Variants in TAF3 observed in about 807,000 individuals in gnomAD.
The protein encoded by TAF3 is TATA-box binding protein associated factor 3.
Under a neutral mutation model 80.6 loss-of-function variants are expected in TAF3, and 7 were observed. The observed-to-expected ratio is 0.09, with a 90% CI of 0.05 to 0.16. The LOEUF (loss-of-function observed/expected upper bound fraction) is 0.16, where lower values mean the gene tolerates loss of function less well. TAF3 is among the 10% of genes least tolerant of loss of function. The probability of loss-of-function intolerance (pLI) is 1.00; values close to 1 mark genes in which losing one functional copy is unlikely to be tolerated. For synonymous variants in TAF3, 444 were observed against 446.1 expected (o/e 1.00, Z 0.06); for missense variants, 921 against 1,140.2 (o/e 0.81, Z 2.77).
At chr10:7,827,362 G>A (rs542781690) in intron 2 of TAF3, among the ~76,000 whole-genome samples, 1 of 152,258 alleles carries the variant, frequency 6.6e-6, no homozygotes, top group East Asian at 1.9e-4. Flanking sequence ...ATTGGACAGT[G>A]TTTAACATAT....
At chr10:7,913,253 G>T (rs1370640770) in intron 2 of TAF3, among the ~76,000 whole-genome samples, 1 of 152,150 alleles carries the variant, frequency 6.6e-6, no homozygotes, top group Non-Finnish European at 1.5e-5. Flanking sequence ...GGTATGAAGT[G>T]TTGGGAGGAC....
chr10:7,953,859 A>T (rs1422005781), intron 2 of TAF3, among the ~76,000 whole-genome samples: 2 of 147,852 alleles, frequency 1.4e-5, no homozygotes, highest in Non-Finnish European at 1.5e-5. Flanking sequence ...AAATGAGTGG[A>T]TTAGTCCTAG....
At chr10:7,842,565 C>T (rs748597096) in intron 2 of TAF3, among the ~76,000 whole-genome samples, 4 of 151,914 alleles carry the variant, frequency 2.6e-5, no homozygotes, top group Non-Finnish European at 5.9e-5. Context: ...TTTTTAGATG[C>T]GGGCTTAAAG....
intron 2 of TAF3, among the ~76,000 whole-genome samples, chr10:7,946,988 C>T (rs981682530): frequency 1.3e-5 from 2 of 152,186 alleles, no homozygotes; most frequent in African/African-American, 4.8e-5. Flanking sequence ...TCTGGAACTC[C>T]TGGCCTTAAG....
intron 3 of TAF3, 126 bp from the exon 4 acceptor site, chr10:7,977,115 A>T: frequency 1.2e-6 from 1 of 804,828 alleles, no homozygotes; most frequent in Non-Finnish European, 2.0e-6. Context: ...CTTTCTGTCT[A>T]AATTTTAGCC....
Position 7,963,917 on chromosome 10 carries a change from C to CAGA in TAF3, c.420_422dup. 2.0e-6 allele frequency: 3 copies of CAGA among 1,534,224 alleles called. No individual in the cohort carries two copies. Among genetic ancestry groups the CAGA allele is most frequent in the Non-Finnish European group, 2.6e-6 (3 of 1,144,514 alleles). ...TTTTTCTTCCTTTTTCTTCCTTTAC[C>CAGA]AGAAGAAGAAGAAGAGCAGGTGCCC... On this transcript the variant is annotated splice_polypyrimidine_tract_variant and splice_region_variant and intron_variant, in intron 2 of 6. Transcript: ENST00000344293.
chr10:7,946,794 T>C (rs1380479186), intron 2 of TAF3, among the ~76,000 whole-genome samples: 1 of 152,222 alleles, frequency 6.6e-6, no homozygotes, highest in Non-Finnish European at 1.5e-5. Context: ...TTTCCATTCC[T>C]TTATCCTGTT....
chr10:7,988,887 A>G (rs961996349), intron 4 of TAF3, among the ~76,000 whole-genome samples: 4 of 151,708 alleles, frequency 2.6e-5, no homozygotes, highest in Non-Finnish European at 4.4e-5. Flanking sequence ...AAAATGGTAC[A>G]TTGTTTGTAC....
At chr10:7,989,830 G>A (rs1309082669) in intron 4 of TAF3, among the ~76,000 whole-genome samples, 4 of 152,090 alleles carry the variant, frequency 2.6e-5, no homozygotes, top group Non-Finnish European at 5.9e-5. Flanking sequence ...GACTGGTACT[G>A]GTCCATTGGC....
rs1836655569 is a variant in TAF3, at chr10:7,818,641, C to T, written c.-69C>T. 1.3e-6 allele frequency: 2 copies of T among 1,541,096 alleles called. No individual in the cohort carries two copies. Among genetic ancestry groups the T allele is most frequent in the Non-Finnish European group, 1.7e-6 (2 of 1,148,870 alleles). ...AGCCCTAGAGGATGAATCGGGGACCCTGCTAAGGTCTGGCGGCGGGGCTGG... is the reference window on the plus strand; with the variant it reads ...AGCCCTAGAGGATGAATCGGGGACCTTGCTAAGGTCTGGCGGCGGGGCTGG... On this transcript the variant is annotated 5_prime_UTR_variant, in exon 1 of 7. Transcript: ENST00000344293.
At chr10:7,838,908 G>GTTTTTTTTTTTTTTTTTTTTTT (rs71505463) in intron 2 of TAF3, among the ~76,000 whole-genome samples, 4 of 101,862 alleles carry the variant, frequency 3.9e-5, no homozygotes, top group Non-Finnish European at 5.8e-5. Flanking sequence ...GGCATTGCTT[G>GTTTTTTTTTTTTTTTTTTTTTT]TTTTTTTTTT....
intron 2 of TAF3, among the ~76,000 whole-genome samples, chr10:7,829,029 CAAAAAAAAAAAAAAAA>C (rs59969868): frequency 2.5e-4 from 17 of 66,816 alleles, no homozygotes; most frequent in African/African-American, 9.7e-4. Context: ...GACTCCGTCT[CAAAAAAAAAAAAAAAA>C]AAAAAAAAAA....
chr10:7,963,564 T>A (rs1380362999), intron 2 of TAF3, among the ~76,000 whole-genome samples: 2 of 152,126 alleles, frequency 1.3e-5, no homozygotes, highest in African/African-American at 4.8e-5. Flanking sequence ...AGAAATCATG[T>A]TTGAACGCCG....
chr10:7,872,924 G>T (rs948700083), intron 2 of TAF3, among the ~76,000 whole-genome samples: 1 of 152,118 alleles, frequency 6.6e-6, no homozygotes, highest in African/African-American at 2.4e-5. Flanking sequence ...AGTTTAGAGA[G>T]AATCCAAGCC....
At chr10:7,818,901 G>T in intron 1 of TAF3, 26 bp downstream of exon 1, 2 of 1,378,460 alleles carry the variant, frequency 1.5e-6, no homozygotes, top group South Asian at 3.2e-5. Context: ...GGTGCGGGAG[G>T]GCTGCCCCGG....
In TAF3 at chr10:7,925,946, G is replaced by A. The variant is rs1404828394; in HGVS notation, c.410-37974G>A. Among the ~76,000 whole-genome samples, 6 of 152,160 alleles carry A rather than the reference G, an allele frequency of 3.9e-5. No individual in the cohort carries two copies. In the South Asian group the frequency reaches 6.2e-4, roughly 16 times the overall value. Reference sequence around the variant, plus strand: ...AAGACTGGTAAGGCCAGGTGCAGTGGCTCATGCCTGTAATCCTAGCACTTT... The same window carrying A: ...AAGACTGGTAAGGCCAGGTGCAGTGACTCATGCCTGTAATCCTAGCACTTT... On this transcript the variant is annotated intron_variant, in intron 2 of 6. Transcript: ENST00000344293.
intron 2 of TAF3, among the ~76,000 whole-genome samples, chr10:7,933,816 C>CAAA (rs1837891526): frequency 6.6e-6 from 1 of 152,154 alleles, no homozygotes; most frequent in Non-Finnish European, 1.5e-5. Context: ...CATCTTAAGC[C>CAAA]TGTTCTTTGG....
At chr10:8,003,911 A>G (rs1039584656) in intron 4 of TAF3, among the ~76,000 whole-genome samples, 1 of 152,200 alleles carries the variant, frequency 6.6e-6, no homozygotes, top group Non-Finnish European at 1.5e-5. Flanking sequence ...ATTGCCAGTC[A>G]TTACCAAGTT....
chr10:7,902,313 C>T (rs1474154360), intron 2 of TAF3, among the ~76,000 whole-genome samples: 1 of 151,832 alleles, frequency 6.6e-6, no homozygotes. Flanking sequence ...ATCCCAACTA[C>T]TCGGGAGGCT....
Sources: gnomAD v4.1 joint callset for allele counts (sites outside exome capture counted in the v4.1 genomes callset) on GRCh38, gnomAD v4.1.1 for gene constraint, MANE v1.5 for transcripts, NCBI Gene and HGNC (gene_info 2026-07-23, HGNC 2026-07-21) for gene names.